The following ERG variants were observed in gnomAD, a reference collection of about 807,000 sequenced individuals.
ERG encodes transcriptional regulator ERG.
In ERG, 9 loss-of-function variants were observed where a neutral mutation model predicts 55.3. The ratio of observed to expected loss-of-function variants is 0.16; its 90% CI spans 0.10 to 0.28. The LOEUF is 0.28. ERG is among the 10% of genes least tolerant of loss of function. The probability of loss-of-function intolerance (pLI) is 1.00; values close to 1 mark genes in which losing one functional copy is unlikely to be tolerated. For synonymous variants in ERG, 223 were observed against 237.3 expected (o/e 0.94, Z 0.55); for missense variants, 434 against 631.6 (o/e 0.69, Z 3.35).
chr21:38,446,088 T>G (rs1443468565), intron 1 of ERG, among the ~76,000 whole-genome samples: 2 of 151,902 alleles, frequency 1.3e-5, no homozygotes, highest in East Asian at 3.9e-4. Context: ...AAGAGGGACT[T>G]AGAGGAAGAC....
intron 1 of ERG, among the ~76,000 whole-genome samples, chr21:38,607,448 T>A (rs1027426080): frequency 6.6e-6 from 1 of 152,056 alleles, no homozygotes; most frequent in Non-Finnish European, 1.5e-5. Flanking sequence ...CTGGCCAACA[T>A]GGTGAAACCC....
At chr21:38,376,732 T>G (rs62217879), downstream of ERG, among the ~76,000 whole-genome samples, 26,641 of 152,282 alleles carry the variant, frequency 0.17, 2,620 homozygotes, top group South Asian at 0.26. Context: ...GTGGGTCTCT[T>G]CACAGCCATG....
intron 1 of ERG, among the ~76,000 whole-genome samples, chr21:38,642,133 T>G (rs1331040098): frequency 1.3e-5 from 2 of 152,220 alleles, no homozygotes; most frequent in Admixed American, 6.5e-5. Flanking sequence ...AGCATACCTA[T>G]GAACATGGGC....
intron 1 of ERG, among the ~76,000 whole-genome samples, chr21:38,481,864 A>G (rs538440320): frequency 6.6e-6 from 1 of 152,386 alleles, no homozygotes; most frequent in South Asian, 2.1e-4. Flanking sequence ...AGTCCCTATC[A>G]TAGCACATTA....
At chr21:38,417,720 C>T (rs1989341604) in intron 3 of ERG, among the ~76,000 whole-genome samples, 1 of 152,034 alleles carries the variant, frequency 6.6e-6, no homozygotes, top group South Asian at 2.1e-4. Flanking sequence ...ACCCAGGAGA[C>T]AGAGGTTGCA....
chr21:38,572,365 C>CAAA (rs758324053), intron 2 of ERG, among the ~76,000 whole-genome samples: 62 of 66,678 alleles, frequency 9.3e-4, no homozygotes, highest in East Asian at 2.6e-3. Context: ...GAGACTCCAT[C>CAAA]AAAAAAAAAA....
chr21:38,555,187 C>T (rs1434793957), intron 2 of ERG, among the ~76,000 whole-genome samples: 2 of 151,832 alleles, frequency 1.3e-5, no homozygotes, highest in African/African-American at 4.8e-5. Flanking sequence ...ATTATCCAGG[C>T]ATGGTGGCAC....
At chr21:38,573,832 C>T (rs1226254096) in intron 2 of ERG, among the ~76,000 whole-genome samples, 1 of 152,146 alleles carries the variant, frequency 6.6e-6, no homozygotes, top group African/African-American at 2.4e-5. Flanking sequence ...AGTCTCTCGT[C>T]CCACCTGACT....
intron 1 of ERG, among the ~76,000 whole-genome samples, chr21:38,456,497 T>C (rs1239344897): frequency 6.6e-6 from 1 of 152,230 alleles, no homozygotes; most frequent in Non-Finnish European, 1.5e-5. Flanking sequence ...GAAAGTCTTG[T>C]AGAAACTGGG....
chr21:38,466,299 G>GC, intron 1 of ERG, among the ~76,000 whole-genome samples: 1 of 125,800 alleles, frequency 7.9e-6, no homozygotes, highest in East Asian at 2.6e-4. Flanking sequence ...TGATGGTCTG[G>GC]GGTGTGTGTG....
Position 38,574,872 on chromosome 21 carries a change from C to T in ERG, c.-41+790G>A, listed in dbSNP as rs143332130. On this transcript the variant is annotated intron_variant, in intron 2 of 8. Coordinates refer to the ERG transcript ENST00000398897. Reference sequence around the variant, plus strand: ...ATAGATATAGTTGAACTAACCAGCACAGGTGTAGACAGCCTGTTTGGATAA... The same window carrying T: ...ATAGATATAGTTGAACTAACCAGCATAGGTGTAGACAGCCTGTTTGGATAA... Among the ~76,000 whole-genome samples, 365 of 152,332 alleles carry T rather than the reference C, an allele frequency of 2.4e-3. 4 individuals carry two copies. Among genetic ancestry groups the T allele is most frequent in the African/African-American group, 8.4e-3 (349 of 41,576 alleles).
chr21:38,598,570 A>G (rs1239373057), intron 1 of ERG, among the ~76,000 whole-genome samples: 3 of 152,234 alleles, frequency 2.0e-5, no homozygotes, highest in Admixed American at 2.0e-4. Flanking sequence ...GGCTCAGAAT[A>G]GCACACAGAG....
At chr21:38,564,417 A>T (rs1199952534) in intron 2 of ERG, among the ~76,000 whole-genome samples, 1 of 152,170 alleles carries the variant, frequency 6.6e-6, no homozygotes, top group African/African-American at 2.4e-5. Context: ...CATAAAAATT[A>T]ATAGGTAGAA....
At chr21:38,483,749 G>A (rs969133976) in intron 1 of ERG, among the ~76,000 whole-genome samples, 6 of 152,150 alleles carry the variant, frequency 3.9e-5, no homozygotes, top group African/African-American at 9.7e-5. Flanking sequence ...TGTAGTCCCA[G>A]CTACTCGGGA....
chr21:38,523,386 T>C (rs2059608396), intron 2 of ERG, among the ~76,000 whole-genome samples: 1 of 152,192 alleles, frequency 6.6e-6, no homozygotes, highest in Non-Finnish European at 1.5e-5. Flanking sequence ...ATATATCTTA[T>C]ATAACACCAA....
intron 1 of ERG, among the ~76,000 whole-genome samples, chr21:38,474,356 G>A (rs1039872505): frequency 6.8e-5 from 10 of 147,556 alleles, no homozygotes; most frequent in South Asian, 2.2e-4. Context: ...AGGCGACACC[G>A]CCTCTGCATG....
At chr21:38,393,267 C>T (rs939142067) in intron 6 of ERG, among the ~76,000 whole-genome samples, 1 of 152,208 alleles carries the variant, frequency 6.6e-6, no homozygotes, top group Non-Finnish European at 1.5e-5. Context: ...ACTTCTGCAT[C>T]CTCAGTGTGA....
At chr21:38,501,396 G>A (rs1211122023), upstream of ERG, among the ~76,000 whole-genome samples, 1 of 152,090 alleles carries the variant, frequency 6.6e-6, no homozygotes, top group Non-Finnish European at 1.5e-5. Context: ...GAATATAGCA[G>A]TGCAGAAACC....
chr21:38,534,927 T>TG (rs2059698338), intron 2 of ERG, among the ~76,000 whole-genome samples: 2 of 152,162 alleles, frequency 1.3e-5, no homozygotes, highest in Non-Finnish European at 2.9e-5. Flanking sequence ...TATAGATGAA[T>TG]CTTTTTTTAA....
Sources: gnomAD v4.1 joint callset for allele counts (sites outside exome capture counted in the v4.1 genomes callset) on GRCh38, gnomAD v4.1.1 for gene constraint, MANE v1.5 for transcripts, NCBI Gene and HGNC (gene_info 2026-07-23, HGNC 2026-07-21) for gene names.